The following CRTC1 variants were observed in gnomAD, a reference collection of about 807,000 sequenced individuals.
The protein encoded by CRTC1 is CREB-regulated transcription coactivator 1.
CRTC1 carries 18 observed loss-of-function variants against 66.1 expected under a neutral mutation model. The observed-to-expected ratio is 0.27, with a 90% CI of 0.19 to 0.40. The LOEUF (loss-of-function observed/expected upper bound fraction) is 0.40, where lower values mean the gene tolerates loss of function less well. Among genes scored for constraint, CRTC1 ranks in the 10% least tolerant of loss-of-function variants. The pLI, the probability that CRTC1 is intolerant of heterozygous loss-of-function variation, is 1.00. For synonymous variants in CRTC1, 416 were observed against 398.8 expected (o/e 1.04, Z -0.51); for missense variants, 669 against 887.9 (o/e 0.75, Z 3.13).
intron 4 of CRTC1, among the ~76,000 whole-genome samples, chr19:18,747,780 G>C (rs1016468886): frequency 6.6e-6 from 1 of 152,114 alleles, no homozygotes; most frequent in Non-Finnish European, 1.5e-5. Flanking sequence ...TAGGATGGAA[G>C]ATTAGGAAAA....
chr19:18,734,134 CAG>C (rs2053947590), intron 1 of CRTC1, among the ~76,000 whole-genome samples: 1 of 151,468 alleles, frequency 6.6e-6, no homozygotes, highest in Non-Finnish European at 1.5e-5. Flanking sequence ...GATAAATCCA[CAG>C]AGACAGGAAA....
rs1264216719 is a variant in CRTC1, at chr19:18,771,466, A to G, written c.1345A>G (p.Thr449Ala). Residue 449 changes from threonine to alanine, a missense_variant, in exon 11 of 14, where the codon ACT (threonine) becomes GCT (alanine). This residue lies in a region of CRTC1 where 241 missense variants were observed against 242.2 expected (regional missense o/e 0.99). Transcript: ENST00000321949. This position sits in a 1 kb window ranked among gnomAD's most constrained non-coding sequence, Gnocchi z 4.6. ...GGCGCCGGCTCTGCAGCAGTACCGC[A>G]CTAGCGCCGGCTCCCCGGCCAACCA... ...ASAPALQQYR[T>A]SAGSPANQSP... 1.2e-6 allele frequency: 2 copies of G among 1,613,362 alleles called. No individual in the cohort carries two copies. The highest frequency in any genetic ancestry group is 1.1e-5 in the South Asian group (1 of 91,062).
intron 11 of CRTC1, among the ~76,000 whole-genome samples, chr19:18,772,535 C>T (rs2054892927): frequency 6.6e-6 from 1 of 152,234 alleles, no homozygotes; most frequent in Admixed American, 6.5e-5. Context: ...TCCTACTTCC[C>T]AGCTAGATAA....
Position 18,740,471 on chromosome 19 carries a change from A to T in CRTC1, c.127-2439A>T, listed in dbSNP as rs1042739933. Among the ~76,000 whole-genome samples, 4 of 152,230 alleles carry T rather than the reference A, an allele frequency of 2.6e-5. No individual in the cohort carries two copies. In the East Asian group the frequency reaches 7.7e-4, roughly 29 times the overall value. On this transcript the variant is annotated intron_variant, in intron 1 of 13. Coordinates refer to ENST00000321949, the MANE Select transcript of CRTC1 (RefSeq NM_015321.3). ...CCACCCTCATGGCCAACCTGTCTCT[A>T]GTCCCTCCAGATGTCAAGCTGATGT...
At position 18,779,859 on chromosome 19, in the gene CRTC1, C is replaced by T. The variant is rs1240667522; in HGVS notation, c.*2477C>T. The T allele has an allele frequency of 8.8e-6, 2 of 228,188 alleles. No individual in the cohort carries two copies. The highest frequency in any genetic ancestry group is 8.7e-6 in the Non-Finnish European group (1 of 115,120). The allele number at this position is 228,188 out of a possible 1,614,324, so 14.1% of individuals were successfully genotyped here. A position where few individuals can be genotyped will look rare whatever the true frequency, so the allele number is the denominator to read the frequency against. ...TCCGAGCTTGCCAGGGACAGTGGGGCCCACGCGAGTACCCGGGGCCCAGCC... is the reference window on the plus strand; with the variant it reads ...TCCGAGCTTGCCAGGGACAGTGGGGTCCACGCGAGTACCCGGGGCCCAGCC... On this transcript the variant is annotated 3_prime_UTR_variant, in exon 14 of 14. Transcript: ENST00000321949.
chr19:18,775,357 G>C (rs1414030454), intron 12 of CRTC1, among the ~76,000 whole-genome samples: 1 of 152,242 alleles, frequency 6.6e-6, no homozygotes, highest in African/African-American at 2.4e-5. Flanking sequence ...CTGGCTTTGC[G>C]TGGAGGCCAG....
intron 1 of CRTC1, among the ~76,000 whole-genome samples, chr19:18,711,768 C>G (rs1222129032): frequency 6.6e-6 from 1 of 152,170 alleles, no homozygotes; most frequent in Non-Finnish European, 1.5e-5. Context: ...CTTGGATCAG[C>G]AGCTGACGTC....
At chr19:18,762,373 G>T (rs901437758) in intron 8 of CRTC1, among the ~76,000 whole-genome samples, 1 of 152,252 alleles carries the variant, frequency 6.6e-6, no homozygotes, top group Non-Finnish European at 1.5e-5. Flanking sequence ...CAGCTCGCCT[G>T]GCAGGGGCTT....
At chr19:18,735,795 A>G (rs994753290) in intron 1 of CRTC1, among the ~76,000 whole-genome samples, 5 of 152,088 alleles carry the variant, frequency 3.3e-5, no homozygotes, top group African/African-American at 1.2e-4. Flanking sequence ...CTGCCAGTCC[A>G]CGGCCGCACA....
chr19:18,752,986 C>T (rs543299584), intron 5 of CRTC1, among the ~76,000 whole-genome samples: 3 of 150,228 alleles, frequency 2.0e-5, no homozygotes, highest in East Asian at 2.1e-4. Context: ...AGCTGATAGG[C>T]GGGGCACGGT....
intron 1 of CRTC1, among the ~76,000 whole-genome samples, chr19:18,728,348 C>T (rs963219774): frequency 1.3e-5 from 2 of 152,174 alleles, no homozygotes; most frequent in African/African-American, 4.8e-5. Context: ...GCTTCAATCG[C>T]TGCCCAGGAT....
At chr19:18,705,223 A>G (rs1208035478) in intron 1 of CRTC1, among the ~76,000 whole-genome samples, 1 of 152,118 alleles carries the variant, frequency 6.6e-6, no homozygotes, top group Non-Finnish European at 1.5e-5. Flanking sequence ...TATTGTGCGT[A>G]GTGCTGCTGT....
At chr19:18,735,797 G>A (rs2053984837) in intron 1 of CRTC1, among the ~76,000 whole-genome samples, 1 of 152,186 alleles carries the variant, frequency 6.6e-6, no homozygotes, top group African/African-American at 2.4e-5. Flanking sequence ...GCCAGTCCAC[G>A]GCCGCACAGT....
At chr19:18,756,366 G>A (rs1014476070) in intron 6 of CRTC1, among the ~76,000 whole-genome samples, 42 of 149,506 alleles carry the variant, frequency 2.8e-4, no homozygotes, top group African/African-American at 9.9e-4. Context: ...CTCTAGGCTG[G>A]ACGGACACAG....
At chr19:18,774,572 C>T (rs894032476) in intron 11 of CRTC1, among the ~76,000 whole-genome samples, 2 of 152,230 alleles carry the variant, frequency 1.3e-5, no homozygotes, top group African/African-American at 4.8e-5. Flanking sequence ...CCTCTGGGGC[C>T]TGTTGGGTGG....
At chr19:18,719,690 A>G (rs992948552) in intron 1 of CRTC1, among the ~76,000 whole-genome samples, 42 of 152,186 alleles carry the variant, frequency 2.8e-4, no homozygotes, top group Non-Finnish European at 1.3e-4. Flanking sequence ...TTCAAAAATC[A>G]TTTGTTCCGC....
intron 9 of CRTC1, among the ~76,000 whole-genome samples, chr19:18,767,570 C>T (rs1217292776): frequency 6.6e-6 from 1 of 152,174 alleles, no homozygotes; most frequent in Non-Finnish European, 1.5e-5. Flanking sequence ...TCCTTGGTAC[C>T]TGGCAATGCC....
intron 1 of CRTC1, among the ~76,000 whole-genome samples, chr19:18,732,992 C>T (rs928529763): frequency 6.6e-6 from 1 of 151,714 alleles, no homozygotes; most frequent in Non-Finnish European, 1.5e-5. Flanking sequence ...GAGGCTGAGG[C>T]AGGAGGATCA....
intron 1 of CRTC1, among the ~76,000 whole-genome samples, chr19:18,720,339 TTTTC>T (rs745938190): frequency 7.4e-5 from 11 of 148,574 alleles, no homozygotes; most frequent in South Asian, 2.2e-4. Flanking sequence ...AACTTTTGTA[TTTTC>T]TTTCTTTCTT....
Sources: allele counts gnomAD v4.1 joint callset (sites outside exome capture counted in the v4.1 genomes callset), GRCh38; gene constraint gnomAD v4.1.1; regional missense constraint gnomAD v4.1.1; non-coding constraint Gnocchi (gnomAD v3.1); transcripts MANE v1.5; gene names NCBI Gene and HGNC (gene_info 2026-07-23, HGNC 2026-07-21).